Variants in ADGRL3 observed in about 807,000 individuals in gnomAD.
ADGRL3 encodes calcium-independent alpha-latrotoxin receptor 3.
A neutral mutation model predicts 153.5 loss-of-function variants in ADGRL3; 62 were observed. The ratio of observed to expected loss-of-function variants is 0.40; its 90% CI spans 0.33 to 0.50. ADGRL3 has a LOEUF of 0.50. Ranked by LOEUF, ADGRL3 falls within the 20% of genes least tolerant of loss-of-function variation. The pLI, the probability that ADGRL3 is intolerant of heterozygous loss-of-function variation, is 0.47. For missense variants in ADGRL3, 1,641 were observed against 1,859.4 expected (o/e 0.88, Z 2.16); for synonymous variants, 710 against 672.5 (o/e 1.06, Z -0.86).
chr4:61,327,782 G>A (rs549914462), intron 1 of ADGRL3, among the ~76,000 whole-genome samples: 1 of 152,092 alleles, frequency 6.6e-6, no homozygotes, highest in East Asian at 1.9e-4. Flanking sequence ...TTTAAGATGA[G>A]GTGATCAAAT....
chr4:61,427,768 T>C (rs1461371642), intron 2 of ADGRL3: 1 of 152,808 alleles, frequency 6.5e-6, no homozygotes, highest in Non-Finnish European at 1.5e-5. Context: ...TCAAGCTGTA[T>C]GTCCGGATCT....
intron 17 of ADGRL3, among the ~76,000 whole-genome samples, chr4:61,952,758 T>C (rs1267620113): frequency 3.3e-5 from 5 of 152,196 alleles, no homozygotes; most frequent in Non-Finnish European, 2.9e-5. Context: ...TCTGAGATTC[T>C]ACATTCTAGC....
At chr4:61,406,605 T>A (rs546822840) in intron 2 of ADGRL3, among the ~76,000 whole-genome samples, 1 of 152,064 alleles carries the variant, frequency 6.6e-6, no homozygotes, top group Non-Finnish European at 1.5e-5. Context: ...ATTTTAAATT[T>A]AACTTTTTTC....
At position 61,201,110 on chromosome 4, in the gene ADGRL3, C is replaced by T. The variant is rs1734532702; in HGVS notation, c.-895C>T. 1 of 152,872 alleles carries T rather than the reference C, an allele frequency of 6.5e-6. No individual in the cohort carries two copies. The highest frequency in any genetic ancestry group is 6.5e-5 in the Admixed American group (1 of 15,274). 9.5% of individuals were successfully genotyped at this position (152,872 alleles called of 1,614,324 possible). On this transcript the variant is annotated 5_prime_UTR_variant, in exon 1 of 27. Coordinates refer to ENST00000683033, the MANE Select transcript of ADGRL3 (RefSeq NM_001387552.1). ...CCACCCCTGGCCCTCGCGGCTCCCC[C>T]TACCTATTCCATCGCTCCCGCTCCG...
intron 11 of ADGRL3, 38 bp downstream of exon 11, chr4:61,895,872 C>A: frequency 1.7e-6 from 2 of 1,174,196 alleles, no homozygotes; most frequent in South Asian, 1.4e-5. Flanking sequence ...TTTGCTAAAA[C>A]TATATCATCT....
intron 2 of ADGRL3, among the ~76,000 whole-genome samples, chr4:61,391,854 A>T (rs28719002): frequency 0.6 from 72,569 of 120,644 alleles, 22,047 homozygotes; most frequent in Admixed American, 0.74. Flanking sequence ...GAAAAATGCT[A>T]CTTTTTTTTT....
intron 8 of ADGRL3, among the ~76,000 whole-genome samples, chr4:61,789,311 A>T (rs534290415): frequency 1.1e-4 from 17 of 152,038 alleles, no homozygotes; most frequent in Admixed American, 2.0e-4. Context: ...ACACACATAT[A>T]TGTTGGTCTT....
chr4:61,998,047 C>T (rs577972545), intron 20 of ADGRL3, 127 bp from the exon 21 acceptor site: 12 of 457,980 alleles, frequency 2.6e-5, no homozygotes, highest in Admixed American at 1.6e-4. Context: ...CAGTCATCTA[C>T]GATCCAATTC....
chr4:61,820,388 G>A (rs1159119348), intron 9 of ADGRL3, among the ~76,000 whole-genome samples: 2 of 152,036 alleles, frequency 1.3e-5, no homozygotes, highest in East Asian at 1.9e-4. Flanking sequence ...GTTTACTAGT[G>A]CATTAAAATC....
Position 61,331,288 on chromosome 4 carries a change from A to G in ADGRL3, c.-239-51836A>G, listed in dbSNP as rs375695795. On this transcript the variant is annotated intron_variant, in intron 1 of 26. Transcript: ENST00000683033. ...AACATAGGTCATCAACTTAATCATC[A>G]GAAAGGTTATGTAGGAGATACGTCC... 8.5e-5 allele frequency among the ~76,000 whole-genome samples: 13 copies of G among 152,312 alleles called. 1 individual carries two copies. Among genetic ancestry groups the G allele is most frequent in the African/African-American group, 3.1e-4 (13 of 41,582 alleles).
chr4:61,659,897 CAAAAAAAAA>C (rs566191178), intron 5 of ADGRL3, among the ~76,000 whole-genome samples: 1 of 109,108 alleles, frequency 9.2e-6, no homozygotes, highest in South Asian at 3.6e-4. Context: ...GTGAAGATTA[CAAAAAAAAA>C]AAAAAAAAAA....
At position 62,037,866 on chromosome 4, in the gene ADGRL3, A is replaced by G. The variant is rs1322113349; in HGVS notation, c.3717+10A>G. On this transcript the variant is annotated intron_variant, in intron 24 of 26. Transcript: ENST00000683033. ...CTCCACAGGCTCACAGGTAAACAATATTTGTTCACTGAAATGAAGTAATTC... is the reference window on the plus strand; with the variant it reads ...CTCCACAGGCTCACAGGTAAACAATGTTTGTTCACTGAAATGAAGTAATTC... The G allele has an allele frequency of 1.2e-6, 2 of 1,613,564 alleles. No individual in the cohort carries two copies. The highest frequency in any genetic ancestry group is 2.2e-5 in the South Asian group (2 of 91,078).
chr4:61,702,251 T>C (rs556861156), intron 6 of ADGRL3, among the ~76,000 whole-genome samples: 1 of 152,314 alleles, frequency 6.6e-6, no homozygotes, highest in Admixed American at 6.5e-5. Flanking sequence ...TTAATGATAT[T>C]GCTCTCAAAA....
At chr4:61,726,210 G>GTTTTTTTTCTTTTTTTTTTTTTTT (rs149472429) in intron 6 of ADGRL3, among the ~76,000 whole-genome samples, 1 of 118,480 alleles carries the variant, frequency 8.4e-6, no homozygotes, top group African/African-American at 3.2e-5. Flanking sequence ...TTTTTTTTTT[G>GTTTTTTTTCTTTTTTTTTTTTTTT]TTTTTTGAGA....
intron 1 of ADGRL3, among the ~76,000 whole-genome samples, chr4:61,380,936 C>G (rs1023011926): frequency 1.3e-5 from 2 of 151,888 alleles, no homozygotes; most frequent in Non-Finnish European, 2.9e-5. Context: ...TTTTCCTGCC[C>G]TTCTTGCAGT....
chr4:61,746,832 G>A (rs910703330), intron 8 of ADGRL3, among the ~76,000 whole-genome samples: 1 of 151,956 alleles, frequency 6.6e-6, no homozygotes, highest in African/African-American at 2.4e-5. Context: ...TCAAAAGCTA[G>A]CAGAAGGCAA....
chr4:61,214,644 G>A (rs1741772865), intron 1 of ADGRL3, among the ~76,000 whole-genome samples: 1 of 152,146 alleles, frequency 6.6e-6, no homozygotes. Flanking sequence ...AGGAATAAGA[G>A]TTAGGTACAG....
chr4:61,833,724 T>C (rs2097900168), intron 9 of ADGRL3, among the ~76,000 whole-genome samples: 1 of 152,264 alleles, frequency 6.6e-6, no homozygotes, highest in African/African-American at 2.4e-5. Flanking sequence ...ATTTCTAATC[T>C]TGTGGCTAAT....
chr4:61,523,627 T>C (rs1024871333), intron 4 of ADGRL3, among the ~76,000 whole-genome samples: 1 of 152,084 alleles, frequency 6.6e-6, no homozygotes, highest in Non-Finnish European at 1.5e-5. Flanking sequence ...AGGTCAGTTA[T>C]TGAGATTTTT....
Sources: allele counts gnomAD v4.1 joint callset (sites outside exome capture counted in the v4.1 genomes callset), GRCh38; gene constraint gnomAD v4.1.1; transcripts MANE v1.5; gene names NCBI Gene and HGNC (gene_info 2026-07-23, HGNC 2026-07-21).